Variants in FMN1 observed in about 807,000 individuals in gnomAD.
FMN1 encodes formin-1.
In FMN1, 110 loss-of-function variants were observed where a neutral mutation model predicts 132.4. That is an observed-to-expected ratio of 0.83 (90% CI 0.71 to 0.97). FMN1 has a LOEUF of 0.97. Among genes scored for constraint, FMN1 ranks in the 50% least tolerant of loss-of-function variants. The pLI is 0.00. For missense variants in FMN1, 1,792 were observed against 1,705.3 expected (o/e 1.05, Z -0.90); for synonymous variants, 722 against 651.7 (o/e 1.11, Z -1.64).
At chr15:32,871,031 C>T (rs1168362824) in intron 16 of FMN1, among the ~76,000 whole-genome samples, 1 of 152,158 alleles carries the variant, frequency 6.6e-6, no homozygotes, top group Non-Finnish European at 1.5e-5. Context: ...AAGGCACATA[C>T]TGCAAGCTCT....
intron 2 of FMN1, among the ~76,000 whole-genome samples, chr15:33,181,432 C>T (rs1258617926): frequency 1.3e-5 from 2 of 152,182 alleles, no homozygotes; most frequent in Non-Finnish European, 2.9e-5. Context: ...CCACCATATA[C>T]TCTTGACATG....
At chr15:32,896,088 G>T (rs1292726843) in intron 15 of FMN1, among the ~76,000 whole-genome samples, 1 of 151,968 alleles carries the variant, frequency 6.6e-6, no homozygotes, top group Non-Finnish European at 1.5e-5. Flanking sequence ...AGATCTAGGA[G>T]ATAATTCAAT....
intron 9 of FMN1, among the ~76,000 whole-genome samples, chr15:32,937,498 C>A (rs968902449): frequency 2.0e-5 from 3 of 152,214 alleles, no homozygotes; most frequent in African/African-American, 7.2e-5. Context: ...ATTAAATTGG[C>A]ATCTCCATGG....
intron 6 of FMN1, among the ~76,000 whole-genome samples, chr15:33,061,574 T>C (rs560829621): frequency 1.3e-5 from 2 of 152,186 alleles, no homozygotes; most frequent in East Asian, 3.9e-4. Context: ...TATAAACTAA[T>C]ACAATTCCAA....
chr15:33,052,719 A>G (rs2037034387), intron 6 of FMN1, among the ~76,000 whole-genome samples: 1 of 152,190 alleles, frequency 6.6e-6, no homozygotes, highest in Non-Finnish European at 1.5e-5. Flanking sequence ...CCTGAAAGCC[A>G]AGCTGTAAGT....
chr15:32,866,563 A>G (rs765033477), intron 16 of FMN1, among the ~76,000 whole-genome samples: 2 of 152,342 alleles, frequency 1.3e-5, no homozygotes, highest in Middle Eastern at 3.4e-3. Context: ...AACTCTTTGA[A>G]TAACTGACAT....
intron 4 of FMN1, among the ~76,000 whole-genome samples, chr15:33,120,372 A>C (rs1962434831): frequency 6.6e-6 from 1 of 152,126 alleles, no homozygotes; most frequent in Non-Finnish European, 1.5e-5. Flanking sequence ...AGGTCAATGG[A>C]TTAGGTTACC....
At chr15:33,093,620 T>C (rs1242466277) in intron 4 of FMN1, among the ~76,000 whole-genome samples, 1 of 152,216 alleles carries the variant, frequency 6.6e-6, no homozygotes, top group Non-Finnish European at 1.5e-5. Context: ...CCTAGGTAGA[T>C]ACAATTCTGA....
intron 6 of FMN1, among the ~76,000 whole-genome samples, chr15:33,046,287 A>G (rs1314132347): frequency 6.6e-6 from 1 of 152,172 alleles, no homozygotes; most frequent in Non-Finnish European, 1.5e-5. Context: ...AAATGTTAAT[A>G]AAGATAACTC....
At chr15:32,795,860 T>C (rs971163260) in intron 19 of FMN1, among the ~76,000 whole-genome samples, 4 of 152,092 alleles carry the variant, frequency 2.6e-5, no homozygotes, top group Non-Finnish European at 4.4e-5. Flanking sequence ...CCAAGGAAAA[T>C]TGAAAGCCAT....
intron 17 of FMN1, among the ~76,000 whole-genome samples, chr15:32,855,849 G>A (rs895763674): frequency 6.6e-6 from 1 of 152,062 alleles, no homozygotes; most frequent in African/African-American, 2.4e-5. Flanking sequence ...TGCATTTTTT[G>A]ATAAGTCACT....
intron 18 of FMN1, among the ~76,000 whole-genome samples, chr15:32,802,725 C>T (rs868016816): frequency 1.3e-5 from 2 of 152,156 alleles, no homozygotes; most frequent in African/African-American, 4.8e-5. Context: ...TGACATCCGC[C>T]CCAGAAGCTG....
chr15:33,064,092 C>G (rs1427937520), intron 6 of FMN1: 2 of 152,128 alleles, frequency 1.3e-5, no homozygotes, highest in Non-Finnish European at 2.9e-5. Flanking sequence ...ATGGAAAAAC[C>G]TACTGAACCA....
intron 6 of FMN1, chr15:33,064,653 G>T: frequency 4.6e-6 from 1 of 217,918 alleles, no homozygotes; most frequent in Non-Finnish European, 9.1e-6. Flanking sequence ...AATTGTATGA[G>T]GACCAACCAC....
At chr15:33,088,671 G>T (rs1447958976) in intron 5 of FMN1, 128 bp downstream of exon 5, 2 of 848,870 alleles carry the variant, frequency 2.4e-6, no homozygotes, top group African/African-American at 3.5e-5. Flanking sequence ...GCAGCCCACT[G>T]ATTTTTTTTA....
intron 4 of FMN1, among the ~76,000 whole-genome samples, chr15:33,119,894 T>C (rs571281335): frequency 3.6e-4 from 55 of 152,334 alleles, no homozygotes; most frequent in African/African-American, 1.2e-3. Flanking sequence ...TGTATAATTA[T>C]CTTAATGAGA....
intron 6 of FMN1, among the ~76,000 whole-genome samples, chr15:33,010,243 T>C (rs1315175451): frequency 3.3e-5 from 5 of 152,052 alleles, no homozygotes; most frequent in Non-Finnish European, 1.5e-5. Flanking sequence ...TTATATGACA[T>C]CTAGAAAAGA....
At chr15:32,851,777 C>T (rs2059014977) in intron 17 of FMN1, among the ~76,000 whole-genome samples, 1 of 152,158 alleles carries the variant, frequency 6.6e-6, no homozygotes, top group Non-Finnish European at 1.5e-5. Flanking sequence ...AGTGTGGCAA[C>T]AGGATATGAT....
At chr15:33,059,389 C>T (rs915044421) in intron 6 of FMN1, among the ~76,000 whole-genome samples, 1 of 152,148 alleles carries the variant, frequency 6.6e-6, no homozygotes, top group Non-Finnish European at 1.5e-5. Context: ...ATATTGGTTT[C>T]AGTTCCTTTG....
Sources: gnomAD v4.1 joint callset for allele counts (sites outside exome capture counted in the v4.1 genomes callset) on GRCh38, gnomAD v4.1.1 for gene constraint, MANE v1.5 for transcripts, NCBI Gene and HGNC (gene_info 2026-07-23, HGNC 2026-07-21) for gene names.